VPS26B: variants seen among roughly 807,000 people sequenced by gnomAD.
VPS26B encodes the protein VPS26 retromer complex component B.
VPS26B carries 10 observed loss-of-function variants against 33.3 expected under a neutral mutation model. The observed-to-expected ratio is 0.30, with a 90% CI of 0.19 to 0.51. The LOEUF is 0.51. Among genes scored for constraint, VPS26B ranks in the 20% least tolerant of loss-of-function variants. The pLI, the probability that VPS26B is intolerant of heterozygous loss-of-function variation, is 0.98. For missense variants in VPS26B, 317 were observed against 452.7 expected, an observed-to-expected ratio of 0.70 and a Z score of 2.72; for synonymous variants, 190 against 176.9, an observed-to-expected ratio of 1.07 and a Z score of -0.59.
chr11:134,232,072 A>G (rs753909835), intron 1 of VPS26B, among the ~76,000 whole-genome samples: 2 of 152,208 alleles, frequency 1.3e-5, no homozygotes, highest in Non-Finnish European at 2.9e-5. Context: ...CCTGAGTACA[A>G]AAGTTATTTC....
In VPS26B at chr11:134,247,290, G is replaced by A. The variant is rs1192849732; in HGVS notation, c.*1700G>A. 2.6e-5 allele frequency: 4 copies of A among 152,194 alleles called. No individual in the cohort carries two copies. The highest frequency in any genetic ancestry group is 2.6e-4 in the Admixed American group (4 of 15,284). The allele number at this position is 152,194 out of a possible 1,614,324, so 9.4% of individuals were successfully genotyped here. ...GGGCTTAAGTGGATAAGGGAGGCAA[G>A]TTCTGGGTTCCTTGCCTTTTCAGAG... is the stretch of plus-strand genomic sequence containing the variant. On this transcript the variant is annotated 3_prime_UTR_variant, in exon 6 of 6. Coordinates refer to ENST00000281187, the MANE Select transcript of VPS26B (RefSeq NM_052875.5).
Position 134,245,345 on chromosome 11 carries a change from C to G in VPS26B, c.865-99C>G. The stretch of plus-strand genomic sequence containing the variant: ...TGGTGAGAGAGAAGCAGAGGAGGTC[C>G]TTGCCCGAGATTCCCCACGTCAAAG... On this transcript the variant is annotated intron_variant, in intron 5 of 5. Transcript: ENST00000281187. This position sits in a 1 kb window ranked among gnomAD's most constrained non-coding sequence, Gnocchi z 4.7. 6.5e-7 allele frequency: 1 copy of G among 1,542,066 alleles called. No homozygotes were observed. The highest frequency in any genetic ancestry group is 1.2e-5 in the South Asian group (1 of 82,642).
intron 1 of VPS26B, among the ~76,000 whole-genome samples, chr11:134,229,163 G>A (rs796292369): frequency 2.0e-5 from 3 of 152,254 alleles, no homozygotes; most frequent in African/African-American, 7.2e-5. Context: ...CCAAGTAGCT[G>A]AGACTACAGG....
intron 1 of VPS26B, among the ~76,000 whole-genome samples, chr11:134,226,713 T>C (rs1473359078): frequency 6.6e-6 from 1 of 152,178 alleles, no homozygotes; most frequent in East Asian, 1.9e-4. Flanking sequence ...TAAACTCTCT[T>C]ATCCTGAGAG....
intron 3 of VPS26B, among the ~76,000 whole-genome samples, chr11:134,241,519 C>A (rs980486038): frequency 6.6e-6 from 1 of 152,216 alleles, no homozygotes; most frequent in African/African-American, 2.4e-5. Flanking sequence ...GGAACAGGTT[C>A]TCCCCCTTTC....
Position 134,227,404 on chromosome 11 carries a change from TG to T in VPS26B, c.223+2061del, listed in dbSNP as rs1469717669. 2.0e-5 allele frequency among the ~76,000 whole-genome samples: 3 copies of T among 152,356 alleles called. No individual in the cohort carries two copies. In the South Asian group the frequency reaches 6.2e-4, roughly 32 times the overall value. On this transcript the variant is annotated intron_variant, in intron 1 of 5. Coordinates refer to ENST00000281187, the MANE Select transcript of VPS26B (RefSeq NM_052875.5). ...TGTCTATACCATCACTCCCAGATGGTGGTACCTTACCAGTATGTGAAAGATA... is the reference window on the plus strand; with the variant it reads ...TGTCTATACCATCACTCCCAGATGGTGTACCTTACCAGTATGTGAAAGATA...
Position 134,244,939 on chromosome 11 carries a change from A to G in VPS26B, c.723A>G (p.Gly241=), listed in dbSNP as rs769543179. ...CTGACTCCTGCCCTCCCCCTACAGG[A>G]GAGTCCATCCCGATCCGGCTCTTCC... ...YEIMDGAPVR[G]ESIPIRLFLA... is the part of the protein sequence containing the mutation. Residue 241 remains glycine, a splice_region_variant and synonymous_variant, in exon 5 of 6, where the codon GGA becomes GGG. Coordinates refer to ENST00000281187, the MANE Select transcript of VPS26B (RefSeq NM_052875.5). This position sits in a 1 kb window ranked among gnomAD's most constrained non-coding sequence, Gnocchi z 4.0. 2 of 1,612,808 alleles carry G rather than the reference A, an allele frequency of 1.2e-6. No homozygotes were observed. Among genetic ancestry groups the G allele is most frequent in the South Asian group, 2.2e-5 (2 of 91,078 alleles).
intron 1 of VPS26B, among the ~76,000 whole-genome samples, chr11:134,232,740 A>G (rs905661174): frequency 6.6e-5 from 10 of 152,136 alleles, no homozygotes; most frequent in African/African-American, 2.4e-4. Flanking sequence ...ACTCTGGACC[A>G]TTGATTCTGG....
chr11:134,245,000 A>G lies in VPS26B; in HGVS notation c.784A>G (p.Ile262Val). ...TGAGCTCACGCCCACCATGCGGGAC[A>G]TCAACAAGAAGTTCTCTGTGCGCTA... ...GYELTPTMRDINKKFSVRYYL... is the reference protein window; with the variant it reads ...GYELTPTMRDVNKKFSVRYYL... Residue 262 changes from isoleucine to valine, a missense_variant, in exon 5 of 6, where the codon ATC becomes GTC. Physicochemically the swap from Ile to Val is conservative, Grantham distance 29. Transcript: ENST00000281187. The surrounding 1 kb of genome is among the most constrained non-coding windows in gnomAD (Gnocchi z 4.0). 6.2e-7 allele frequency: 1 copy of G among 1,614,154 alleles called. No individual in the cohort carries two copies. The highest frequency in any genetic ancestry group is 8.5e-7 in the Non-Finnish European group (1 of 1,180,036).
chr11:134,237,652 G>T (rs1051970822), intron 2 of VPS26B, among the ~76,000 whole-genome samples: 1 of 152,306 alleles, frequency 6.6e-6, no homozygotes, highest in Admixed American at 6.5e-5. Context: ...GAGGAGGAGA[G>T]GGGGGTGAAT....
intron 3 of VPS26B, among the ~76,000 whole-genome samples, chr11:134,242,441 G>C (rs538949076): frequency 1.0e-3 from 156 of 152,348 alleles, no homozygotes; most frequent in African/African-American, 3.4e-3. Context: ...TATCCTGTGA[G>C]CTGAGCATCA....
At chr11:134,243,413 T>A (rs1341994755) in intron 4 of VPS26B, 119 bp downstream of exon 4, 1 of 1,217,394 alleles carries the variant, frequency 8.2e-7, no homozygotes, top group African/African-American at 1.5e-5. Flanking sequence ...ACCTGTAACT[T>A]CTTAATCTCT....
intron 3 of VPS26B, among the ~76,000 whole-genome samples, chr11:134,241,462 CAG>C (rs1287848845): frequency 6.6e-6 from 1 of 152,210 alleles, no homozygotes. Context: ...CACCAGTGAA[CAG>C]AGAGTGAGGC....
chr11:134,237,206 C>T (rs1565357195), intron 2 of VPS26B, among the ~76,000 whole-genome samples: 2 of 152,146 alleles, frequency 1.3e-5, no homozygotes, highest in South Asian at 2.1e-4. Flanking sequence ...AGATTGGAGT[C>T]CATATGTAGC....
rs182565618 is a variant in VPS26B, at chr11:134,246,993, G to T, written c.*1403G>T. ...GTTCTCAGTAATTTGGAAAGTTAAG[G>T]AGTTGGTTCCTGTGTCACCTTTCAG... On this transcript the variant is annotated 3_prime_UTR_variant, in exon 6 of 6. Coordinates refer to ENST00000281187, the MANE Select transcript of VPS26B (RefSeq NM_052875.5). 9 of 152,206 alleles carry T rather than the reference G, an allele frequency of 5.9e-5. No homozygotes were observed. The highest frequency in any genetic ancestry group is 2.2e-4 in the African/African-American group (9 of 41,514). The allele number at this position is 152,206 out of a possible 1,614,324, so 9.4% of individuals were successfully genotyped here.
intron 2 of VPS26B, among the ~76,000 whole-genome samples, chr11:134,236,933 T>G (rs1938641388): frequency 6.6e-6 from 1 of 152,242 alleles, no homozygotes; most frequent in African/African-American, 2.4e-5. Flanking sequence ...AACTGTATAA[T>G]TAAAAATTGT....
Position 134,245,658 on chromosome 11 carries a change from G to T in VPS26B, c.*68G>T. ...CCATCTACCAACACCAGCGGCTGGG[G>T]GCGGGGGCGGACCTTGTGAGGCTCA... is the stretch of plus-strand genomic sequence containing the variant. On this transcript the variant is annotated 3_prime_UTR_variant, in exon 6 of 6. Coordinates refer to ENST00000281187, the MANE Select transcript of VPS26B (RefSeq NM_052875.5). This position sits in a 1 kb window ranked among gnomAD's most constrained non-coding sequence, Gnocchi z 4.7. 1 of 1,513,768 alleles carries T rather than the reference G, an allele frequency of 6.6e-7. No homozygotes were observed. The highest frequency in any genetic ancestry group is 8.9e-7 in the Non-Finnish European group (1 of 1,129,352). The allele number at this position is 1,513,768 out of a possible 1,614,324, so 93.8% of individuals were successfully genotyped here. A position where few individuals can be genotyped will look rare whatever the true frequency, so the allele number is the denominator to read the frequency against.
chr11:134,230,808 G>A (rs548672698), intron 1 of VPS26B, among the ~76,000 whole-genome samples: 39 of 152,328 alleles, frequency 2.6e-4, no homozygotes, highest in African/African-American at 8.7e-4. Context: ...TGTGGTGGAC[G>A]TTTTTCTGTT....
intron 1 of VPS26B, among the ~76,000 whole-genome samples, chr11:134,227,001 C>T (rs542996333): frequency 1.3e-5 from 2 of 152,280 alleles, no homozygotes; most frequent in South Asian, 4.1e-4. Flanking sequence ...TGCTTTCCTG[C>T]TTCTGGGTTC....
Sources: allele counts gnomAD v4.1 joint callset (sites outside exome capture counted in the v4.1 genomes callset), GRCh38; gene constraint gnomAD v4.1.1; non-coding constraint Gnocchi (gnomAD v3.1); transcripts MANE v1.5; gene names NCBI Gene and HGNC (gene_info 2026-07-23, HGNC 2026-07-21).